Variants in PKDCC observed in about 807,000 individuals in gnomAD.
PKDCC encodes the protein protein kinase domain containing, cytoplasmic, also known as extracellular tyrosine-protein kinase PKDCC.
A neutral mutation model predicts 44.7 loss-of-function variants in PKDCC; 35 were observed. That is an observed-to-expected ratio of 0.78 (90% CI 0.60 to 1.04). The LOEUF is 1.04. Among genes scored for constraint, PKDCC ranks in the 50% least tolerant of loss-of-function variants. The pLI is 0.00. For synonymous variants in PKDCC, 353 were observed against 303.3 expected, an observed-to-expected ratio of 1.16 and a Z score of -1.70; for missense variants, 738 against 672.7, an observed-to-expected ratio of 1.10 and a Z score of -1.07.
At chr2:42,050,553 T>C (rs530570850) in intron 1 of PKDCC, among the ~76,000 whole-genome samples, 2 of 152,230 alleles carry the variant, frequency 1.3e-5, no homozygotes, top group South Asian at 2.1e-4. Context: ...CACGTGACGG[T>C]CCTCCTCTGA....
At position 42,054,560 on chromosome 2, in the gene PKDCC, C is replaced by T. The variant is rs967950123; in HGVS notation, c.1034+253C>T. On this transcript the variant is annotated intron_variant, in intron 3 of 6. Transcript: ENST00000294964. This position sits in a 1 kb window ranked among gnomAD's most constrained non-coding sequence, Gnocchi z 6.1. ...TCTTAAAATAGTGTTGGACTCGGAGCCTAGGGCTGGTGGAACTGGCACTTT... is the reference window on the plus strand; with the variant it reads ...TCTTAAAATAGTGTTGGACTCGGAGTCTAGGGCTGGTGGAACTGGCACTTT... 1 of 565,394 alleles carries T rather than the reference C, an allele frequency of 1.8e-6. No individual in the cohort carries two copies. Among genetic ancestry groups the T allele is most frequent in the Non-Finnish European group, 3.1e-6 (1 of 321,784 alleles). The allele number at this position is 565,394 out of a possible 1,614,324, so 35.0% of individuals were successfully genotyped here.
intron 2 of PKDCC, 37 bp downstream of exon 2, chr2:42,053,398 G>A: frequency 6.3e-7 from 1 of 1,578,692 alleles, no homozygotes; most frequent in Non-Finnish European, 8.6e-7. Flanking sequence ...TGGGCTCCTT[G>A]CTAGGATGGT....
chr2:42,057,825 T>C lies in PKDCC; in HGVS notation c.*137T>C. On this transcript the variant is annotated 3_prime_UTR_variant, in exon 7 of 7. Coordinates refer to ENST00000294964, the MANE Select transcript of PKDCC (RefSeq NM_138370.3). Reference sequence around the variant, plus strand: ...AAAGCTAACATCCCAGACAGACAGATGTGACCAGGACAAACGTGCAATAAT... The same window carrying C: ...AAAGCTAACATCCCAGACAGACAGACGTGACCAGGACAAACGTGCAATAAT... 1.4e-6 allele frequency: 1 copy of C among 707,588 alleles called. No individual in the cohort carries two copies. The highest frequency in any genetic ancestry group is 2.4e-6 in the Non-Finnish European group (1 of 422,768). The allele number at this position is 707,588 out of a possible 1,614,324, so 43.8% of individuals were successfully genotyped here.
chr2:42,056,808 A>G (rs1375633006), intron 5 of PKDCC, among the ~76,000 whole-genome samples: 1 of 152,214 alleles, frequency 6.6e-6, no homozygotes, highest in Non-Finnish European at 1.5e-5. Context: ...CTGCATTTTA[A>G]CAAGAGTCCT....
In PKDCC at chr2:42,057,808, C is replaced by T. The variant is rs1008188903; in HGVS notation, c.*120C>T. ...TGGGAACCCCTGCAGACAAAGCTAACATCCCAGACAGACAGATGTGACCAG... is the reference window on the plus strand; with the variant it reads ...TGGGAACCCCTGCAGACAAAGCTAATATCCCAGACAGACAGATGTGACCAG... On this transcript the variant is annotated 3_prime_UTR_variant, in exon 7 of 7. Coordinates refer to ENST00000294964, the MANE Select transcript of PKDCC (RefSeq NM_138370.3). 1.5e-5 allele frequency: 12 copies of T among 777,248 alleles called. No individual in the cohort carries two copies. The highest frequency in any genetic ancestry group is 3.6e-4 in the Middle Eastern group (1 of 2,814). The allele number at this position is 777,248 out of a possible 1,614,324, so 48.1% of individuals were successfully genotyped here. A position where few individuals can be genotyped will look rare whatever the true frequency, so the allele number is the denominator to read the frequency against.
chr2:42,054,587 C>A lies in PKDCC; in HGVS notation c.1034+280C>A. The A allele has an allele frequency of 1.8e-6, 1 of 544,400 alleles. No individual in the cohort carries two copies. 33.7% of individuals were successfully genotyped at this position (544,400 alleles called of 1,614,324 possible). The stretch of plus-strand genomic sequence containing the variant: ...TAGGGCTGGTGGAACTGGCACTTTT[C>A]CCTTCCCACCCAGGCCCTTGTGCTC... On this transcript the variant is annotated intron_variant, in intron 3 of 6. Coordinates refer to ENST00000294964, the MANE Select transcript of PKDCC (RefSeq NM_138370.3). This position sits in a 1 kb window ranked among gnomAD's most constrained non-coding sequence, Gnocchi z 6.1.
Position 42,057,405 on chromosome 2 carries a change from G to C in PKDCC, c.1396+11G>C. The C allele has an allele frequency of 1.2e-6, 2 of 1,614,072 alleles. No homozygotes were observed. ...AGACCACCTGGACAGGTGAGCCAGT[G>C]GGAGAAGCCCTTCCAAGGGAGATGG... On this transcript the variant is annotated intron_variant, in intron 6 of 6. Transcript: ENST00000294964.
intron 1 of PKDCC, among the ~76,000 whole-genome samples, chr2:42,050,572 G>A (rs1159239725): frequency 1.3e-5 from 2 of 152,022 alleles, no homozygotes; most frequent in Non-Finnish European, 2.9e-5. Context: ...GAAATGTCAG[G>A]CCCCCAGCCC....
chr2:42,054,413 C>A lies in PKDCC; in HGVS notation c.1034+106C>A, dbSNP rs1668020140. 2.1e-5 allele frequency: 28 copies of A among 1,360,796 alleles called. No individual in the cohort carries two copies. Among genetic ancestry groups the A allele is most frequent in the Non-Finnish European group, 2.6e-5 (26 of 1,000,376 alleles). The allele number at this position is 1,360,796 out of a possible 1,614,324, so 84.3% of individuals were successfully genotyped here. A position where few individuals can be genotyped will look rare whatever the true frequency, so the allele number is the denominator to read the frequency against. ...GGCCAGCTGGGCAGGGAGACTCAGCCTTGACCAGAGCAAGGGAAGGCTTCT... is the reference window on the plus strand; with the variant it reads ...GGCCAGCTGGGCAGGGAGACTCAGCATTGACCAGAGCAAGGGAAGGCTTCT... On this transcript the variant is annotated intron_variant, in intron 3 of 6. Transcript: ENST00000294964. This position sits in a 1 kb window ranked among gnomAD's most constrained non-coding sequence, Gnocchi z 6.1.
Position 42,055,174 on chromosome 2 carries a change from T to A in PKDCC, c.1115-112T>A. The stretch of plus-strand genomic sequence containing the variant: ...CCGCAACCTCCCCGCTCCCCCGCCC[T>A]CTGTTCACTGGGGCACAGGCTCTGG... On this transcript the variant is annotated intron_variant, in intron 4 of 6. Transcript: ENST00000294964. The surrounding 1 kb of genome is among the most constrained non-coding windows in gnomAD (Gnocchi z 4.5). The A allele has an allele frequency of 1.6e-6, 2 of 1,278,598 alleles. No individual in the cohort carries two copies. Among genetic ancestry groups the A allele is most frequent in the Non-Finnish European group, 1.1e-6 (1 of 903,266 alleles). The allele number at this position is 1,278,598 out of a possible 1,614,324, so 79.2% of individuals were successfully genotyped here. A position where few individuals can be genotyped will look rare whatever the true frequency, so the allele number is the denominator to read the frequency against.
In PKDCC at chr2:42,052,070, G is replaced by C. The variant is rs1245456640; in HGVS notation, c.640-1169G>C. Among the ~76,000 whole-genome samples, 2 of 152,042 alleles carry C rather than the reference G, an allele frequency of 1.3e-5. No individual in the cohort carries two copies. The highest frequency in any genetic ancestry group is 2.9e-5 in the Non-Finnish European group (2 of 67,984). ...GATGCCTGTGGGTGCTGTTAAGGTG[G>C]TAGTGACACTCAGGCTTTGCTTCCC... On this transcript the variant is annotated intron_variant, in intron 1 of 6. Coordinates refer to ENST00000294964, the MANE Select transcript of PKDCC (RefSeq NM_138370.3). The surrounding 1 kb of genome is among the most constrained non-coding windows in gnomAD (Gnocchi z 4.3).
Position 42,057,395 on chromosome 2 carries a change from G to A in PKDCC, c.1396+1G>A, listed in dbSNP as rs756000291. On this transcript the variant is annotated splice_donor_variant, in intron 6 of 6. Coordinates refer to ENST00000294964, the MANE Select transcript of PKDCC (RefSeq NM_138370.3). LOFTEE classifies it high-confidence loss of function. Reference sequence around the variant, plus strand: ...GTCACCAACCAGACCACCTGGACAGGTGAGCCAGTGGGAGAAGCCCTTCCA... The same window carrying A: ...GTCACCAACCAGACCACCTGGACAGATGAGCCAGTGGGAGAAGCCCTTCCA... 1.2e-6 allele frequency: 2 copies of A among 1,614,156 alleles called. No homozygotes were observed. Among genetic ancestry groups the A allele is most frequent in the Non-Finnish European group, 1.7e-6 (2 of 1,180,032 alleles).
In PKDCC at chr2:42,057,645, T is replaced by C. The variant is rs1220955299; in HGVS notation, c.1439T>C (p.Val480Ala). Residue 480 changes from valine (V) to alanine (A), a missense_variant, in exon 7 of 7, where the codon GTC (valine) becomes GCC (alanine). By Grantham distance (64) the Val-to-Ala change is moderately conservative (BLOSUM62 0). Transcript: ENST00000294964. ...TTCAAGACTGGATGGAGCCAAGTGGTCCCTGATCCCAACAAGACCACATAT... is the reference window on the plus strand; with the variant it reads ...TTCAAGACTGGATGGAGCCAAGTGGCCCCTGATCCCAACAAGACCACATAT... ...VFFKTGWSQV[V>A]PDPNKTTYVK... 6.2e-7 allele frequency: 1 copy of C among 1,614,008 alleles called. No individual in the cohort carries two copies. The highest frequency in any genetic ancestry group is 1.1e-5 in the South Asian group (1 of 91,068).
chr2:42,053,398 G>C, intron 2 of PKDCC, 37 bp downstream of exon 2: 1 of 1,578,692 alleles, frequency 6.3e-7, no homozygotes. Flanking sequence ...TGGGCTCCTT[G>C]CTAGGATGGT....
chr2:42,048,048 C>T lies in PKDCC; in HGVS notation c.-152C>T, dbSNP rs1333349690. 11 of 252,566 alleles carry T rather than the reference C, an allele frequency of 4.4e-5. No individual in the cohort carries two copies. The highest frequency in any genetic ancestry group is 5.8e-5 in the Non-Finnish European group (10 of 172,444). The allele number at this position is 252,566 out of a possible 1,614,324, so 15.6% of individuals were successfully genotyped here. A position where few individuals can be genotyped will look rare whatever the true frequency, so the allele number is the denominator to read the frequency against. On this transcript the variant is annotated 5_prime_UTR_variant, in exon 1 of 7. Coordinates refer to ENST00000294964, the MANE Select transcript of PKDCC (RefSeq NM_138370.3). The surrounding 1 kb of genome is among the most constrained non-coding windows in gnomAD (Gnocchi z 6.2). ...GCAAGTGTCAGGCCGATGTGTCGCC[C>T]GCGAGGGGCCGGGGTCGGGGCCGCC...
At position 42,055,002 on chromosome 2, in the gene PKDCC, A is replaced by T. The variant is rs201954685; in HGVS notation, c.1096A>T (p.Ser366Cys). 6.2e-7 allele frequency: 1 copy of T among 1,614,068 alleles called. No individual in the cohort carries two copies. The highest frequency in any genetic ancestry group is 1.3e-5 in the African/African-American group (1 of 75,022). Residue 366 changes from serine (S) to cysteine (C), a missense_variant, in exon 4 of 7, where the codon AGC (serine) becomes TGC (cysteine). Ser to Cys is a moderately radical substitution (Grantham distance 112). Coordinates refer to ENST00000294964, the MANE Select transcript of PKDCC (RefSeq NM_138370.3). The surrounding 1 kb of genome is among the most constrained non-coding windows in gnomAD (Gnocchi z 4.5). Reference sequence around the variant, plus strand: ...GCCTTCACTGCGTCCTCTGCTGGACAGCATCGTCAACGCCACAGGTGAGCT... The same window carrying T: ...GCCTTCACTGCGTCCTCTGCTGGACTGCATCGTCAACGCCACAGGTGAGCT... ...APPSLRPLLD[S>C]IVNATGELAW...
In PKDCC at chr2:42,054,884, G is replaced by A; in HGVS notation, c.1035-57G>A. 6.6e-7 allele frequency: 1 copy of A among 1,504,360 alleles called. No homozygotes were observed. The highest frequency in any genetic ancestry group is 1.4e-5 in the African/African-American group (1 of 72,636). 93.2% of individuals were successfully genotyped at this position (1,504,360 alleles called of 1,614,324 possible). A position where few individuals can be genotyped will look rare whatever the true frequency, so the allele number is the denominator to read the frequency against. ...GCGTTCTGCCCCAGGTTGGAATAGA[G>A]GAAGGATGTGTCTCCAAAGGCTGGA... On this transcript the variant is annotated intron_variant, in intron 3 of 6. Transcript: ENST00000294964. This position sits in a 1 kb window ranked among gnomAD's most constrained non-coding sequence, Gnocchi z 6.1.
rs762284448 is a variant in PKDCC at position 42,057,221 on chromosome 2, A to G, written c.1223A>G (p.Glu408Gly). The change falls in exon 6 of 7, where the codon GAG (glutamate) becomes GGG (glycine). Residue 408 changes from glutamate (E) to glycine (G), a missense_variant and splice_region_variant. Coordinates refer to ENST00000294964, the MANE Select transcript of PKDCC (RefSeq NM_138370.3). ...LQNSTASSSTEYQCIPDSTIP... is the reference protein window; with the variant it reads ...LQNSTASSSTGYQCIPDSTIP... ...ATTTTACTCCATCCCCAACCCACAG[A>G]GTACCAGTGTATCCCAGACAGCACC... is the stretch of plus-strand genomic sequence containing the variant. 1.5e-4 allele frequency: 248 copies of G among 1,614,120 alleles called. 1 individual carries two copies. The East Asian group carries it at 5.4e-3, about 35-fold the overall frequency.
Position 42,048,578 on chromosome 2 carries a change from G to GGCCCGC in PKDCC, c.383_388dup (p.Pro128_Arg129dup). 1 of 1,392,440 alleles carries GGCCCGC rather than the reference G, an allele frequency of 7.2e-7. No individual in the cohort carries two copies. The highest frequency in any genetic ancestry group is 9.3e-7 in the Non-Finnish European group (1 of 1,071,826). 86.3% of individuals were successfully genotyped at this position (1,392,440 alleles called of 1,614,324 possible). A position where few individuals can be genotyped will look rare whatever the true frequency, so the allele number is the denominator to read the frequency against. On this transcript the variant is annotated inframe_insertion, in exon 1 of 7. Coordinates refer to ENST00000294964, the MANE Select transcript of PKDCC (RefSeq NM_138370.3). The surrounding 1 kb of genome is among the most constrained non-coding windows in gnomAD (Gnocchi z 6.2). The stretch of plus-strand genomic sequence containing the variant: ...TCCCGGCCCAGGCTCCCCCGGCCCG[G>GGCCCGC]GCCCGCGCCTGGGCTGCGCCGCGCT...
Sources: allele counts gnomAD v4.1 joint callset (sites outside exome capture counted in the v4.1 genomes callset), GRCh38; gene constraint gnomAD v4.1.1; non-coding constraint Gnocchi (gnomAD v3.1); transcripts MANE v1.5; gene names NCBI Gene and HGNC (gene_info 2026-07-23, HGNC 2026-07-21).